GFOD2: variants seen among roughly 807,000 people sequenced by gnomAD.
The protein encoded by GFOD2 is Gfo/Idh/MocA-like oxidoreductase domain containing 2, also known as glucose-fructose oxidoreductase domain-containing protein 2.
A neutral mutation model predicts 24.6 loss-of-function variants in GFOD2; 9 were observed. The ratio of observed to expected loss-of-function variants is 0.37; its 90% CI spans 0.22 to 0.64. GFOD2 has a LOEUF of 0.64. GFOD2 is among the 30% of genes least tolerant of loss of function. The pLI is 0.65. For synonymous variants in GFOD2, 211 were observed against 224.8 expected (o/e 0.94, Z 0.55); for missense variants, 476 against 532.5 (o/e 0.89, Z 1.04).
At chr16:67,689,138 C>T (rs2053292616) in intron 1 of GFOD2, among the ~76,000 whole-genome samples, 1 of 151,418 alleles carries the variant, frequency 6.6e-6, no homozygotes. Context: ...CTCCTGGTTT[C>T]GAGCGATTCT....
chr16:67,709,853 CTT>C (rs1435010824), intron 1 of GFOD2, among the ~76,000 whole-genome samples: 2 of 152,190 alleles, frequency 1.3e-5, no homozygotes, highest in Non-Finnish European at 2.9e-5. Context: ...GTATTCAACT[CTT>C]GTCCTCAAGT....
At chr16:67,715,186 G>A (rs944748694) in intron 1 of GFOD2, among the ~76,000 whole-genome samples, 1 of 151,918 alleles carries the variant, frequency 6.6e-6, no homozygotes, top group Non-Finnish European at 1.5e-5. Flanking sequence ...AGCCTCCCTA[G>A]TAGCTAGGAT....
chr16:67,707,043 A>G (rs1397685372), intron 1 of GFOD2, among the ~76,000 whole-genome samples: 1 of 147,620 alleles, frequency 6.8e-6, no homozygotes, highest in Admixed American at 6.9e-5. Context: ...TGGGCAACAG[A>G]GCGAGACTCC....
intron 1 of GFOD2, among the ~76,000 whole-genome samples, chr16:67,688,269 A>G (rs963296826): frequency 1.3e-5 from 2 of 152,190 alleles, no homozygotes; most frequent in Admixed American, 6.5e-5. Context: ...TCTGTAATAT[A>G]TCTATAAAAT....
chr16:67,682,399 T>C, intron 2 of GFOD2: 1 of 985,404 alleles, frequency 1.0e-6, no homozygotes, highest in Non-Finnish European at 1.2e-6. Context: ...GAAGCCCACC[T>C]TTTAGTGACA....
At chr16:67,707,110 G>A (rs1267173779) in intron 1 of GFOD2, among the ~76,000 whole-genome samples, 4 of 149,636 alleles carry the variant, frequency 2.7e-5, no homozygotes, top group Non-Finnish European at 5.9e-5. Flanking sequence ...TGTAATCCCA[G>A]CACTGTGGGA....
chr16:67,684,725 G>C (rs1013321301), intron 2 of GFOD2: 1 of 975,162 alleles, frequency 1.0e-6, no homozygotes, highest in African/African-American at 1.8e-5. Flanking sequence ...CTGGCTGAAT[G>C]TTTACTGGTT....
intron 2 of GFOD2, chr16:67,685,179 T>C: frequency 7.2e-7 from 1 of 1,398,180 alleles, no homozygotes; most frequent in Non-Finnish European, 9.3e-7. Context: ...AGGCAAACTT[T>C]ATGTTGACTG....
In GFOD2 at chr16:67,675,578, G is replaced by T. The variant is rs756593534; in HGVS notation, c.735C>A (p.Gly245=). Residue 245 remains glycine, a synonymous_variant, in exon 3 of 3, where the codon GGC becomes GGA. Coordinates refer to ENST00000268797, the MANE Select transcript of GFOD2 (RefSeq NM_030819.4). ...STVTLNFNMP[G]AFVHEVMVVG... ...CCACCATGACTTCATGCACAAAGGC[G>T]CCTGGCATGTTGAAGTTGAGTGTCA... is the stretch of plus-strand genomic sequence containing the variant. 1.2e-6 allele frequency: 2 copies of T among 1,613,408 alleles called. No homozygotes were observed. The highest frequency in any genetic ancestry group is 1.7e-5 in the Admixed American group (1 of 60,030).
intron 1 of GFOD2, among the ~76,000 whole-genome samples, chr16:67,686,224 T>C (rs930889019): frequency 1.3e-5 from 2 of 152,122 alleles, no homozygotes; most frequent in Non-Finnish European, 2.9e-5. Context: ...TTCACAACTA[T>C]AGTAAGCTAT....
At chr16:67,685,032 G>A (rs1053770985) in intron 2 of GFOD2, 43 of 1,098,098 alleles carry the variant, frequency 3.9e-5, no homozygotes, top group Non-Finnish European at 4.5e-5. Context: ...GTCAAACGCT[G>A]ACAAAACATG....
chr16:67,715,891 C>T (rs137902422), intron 1 of GFOD2, among the ~76,000 whole-genome samples: 7,136 of 152,054 alleles, frequency 0.047, 475 homozygotes, highest in African/African-American at 0.15. Context: ...ACCTGTGGTC[C>T]CAGCTACTCA....
rs137858264 is a variant in GFOD2, at chr16:67,682,069, G to A, written c.259+3388C>T. ...TCTTTTTTTTTTGAGATGGAGTCTC[G>A]CTCTGTCACCCAGACTGGAGTGCAG... On this transcript the variant is annotated intron_variant, in intron 2 of 2. Coordinates refer to ENST00000268797, the MANE Select transcript of GFOD2 (RefSeq NM_030819.4). 445 of 194,896 alleles carry A rather than the reference G, an allele frequency of 2.3e-3. 4 individuals carry two copies. The highest frequency in any genetic ancestry group is 0.01 in the African/African-American group (423 of 41,936). The allele number at this position is 194,896 out of a possible 1,614,324, so 12.1% of individuals were successfully genotyped here. A position where few individuals can be genotyped will look rare whatever the true frequency, so the allele number is the denominator to read the frequency against.
At chr16:67,681,388 A>G (rs1405448944) in intron 2 of GFOD2, 2 of 985,240 alleles carry the variant, frequency 2.0e-6, no homozygotes, top group Non-Finnish European at 2.4e-6. Context: ...GTGAGGAAAG[A>G]GGGAAAGACC....
intron 1 of GFOD2, among the ~76,000 whole-genome samples, chr16:67,692,640 G>A (rs1419339392): frequency 4.0e-5 from 6 of 150,726 alleles, no homozygotes; most frequent in Non-Finnish European, 7.4e-5. Context: ...TGCTTCATAG[G>A]AAATTATACA....
intron 2 of GFOD2, chr16:67,683,119 C>A (rs2053240769): frequency 1.3e-6 from 1 of 761,968 alleles, no homozygotes; most frequent in East Asian, 1.3e-4. Context: ...TGCCACCATG[C>A]CTGGCTAATT....
In GFOD2 at chr16:67,692,318, A is replaced by ATGG. The variant is rs2053320675; in HGVS notation, c.-87-6517_-87-6516insCCA. On this transcript the variant is annotated intron_variant, in intron 1 of 2. Transcript: ENST00000268797. Reference sequence around the variant, plus strand: ...ACACACAGGCTGAGTGCGGTGGCTCACGCCTGTAATTCCAGCATTTTGGGA... The same window carrying ATGG: ...ACACACAGGCTGAGTGCGGTGGCTCATGGCGCCTGTAATTCCAGCATTTTGGGA... Among the ~76,000 whole-genome samples, 9 of 151,970 alleles carry ATGG rather than the reference A, an allele frequency of 5.9e-5. No homozygotes were observed. In the South Asian group the frequency reaches 1.9e-3, roughly 32 times the overall value.
chr16:67,683,984 T>C (rs2053247073), intron 2 of GFOD2: 5 of 851,704 alleles, frequency 5.9e-6, no homozygotes, highest in African/African-American at 1.8e-5. Context: ...AATTGGACTA[T>C]AAAATCTGAA....
At position 67,675,909 on chromosome 16, in the gene GFOD2, T is replaced by C. The variant is rs775184036; in HGVS notation, c.404A>G (p.Gln135Arg). 5 of 1,614,218 alleles carry C rather than the reference T, an allele frequency of 3.1e-6. No homozygotes were observed. The South Asian group carries it at 5.5e-5, about 18-fold the overall frequency. ...TCCCACATAGTGTTCCGAAATCAGC[T>C]GTTTCATGCGCACGAAGGCAGGCAG... ...RFLPAFVRMK[Q>R]LISEHYVGAV... is the part of the protein sequence containing the mutation. The change falls in exon 3 of 3, where the codon CAG becomes CGG. Residue 135 changes from glutamine (Q) to arginine (R), a missense_variant. Physicochemically the swap from Gln to Arg is conservative, Grantham distance 43. Transcript: ENST00000268797.
Sources: gnomAD v4.1 joint callset for allele counts (sites outside exome capture counted in the v4.1 genomes callset) on GRCh38, gnomAD v4.1.1 for gene constraint, MANE v1.5 for transcripts, NCBI Gene and HGNC (gene_info 2026-07-23, HGNC 2026-07-21) for gene names.